Variants in B3GALNT2 observed in about 807,000 individuals in gnomAD.
The protein encoded by B3GALNT2 is UDP-GalNAc:beta-1,3-N-acetylgalactosaminyltransferase 2.
Under a neutral mutation model 61.1 loss-of-function variants are expected in B3GALNT2, and 53 were observed. The ratio of observed to expected loss-of-function variants is 0.87; its 90% confidence interval spans 0.70 to 1.09. B3GALNT2 has a LOEUF of 1.09. B3GALNT2 is among the 50% of genes least tolerant of loss of function. The pLI, the probability that B3GALNT2 is intolerant of heterozygous loss-of-function variation, is 0.00. For synonymous variants in B3GALNT2, 223 were observed against 237.4 expected (o/e 0.94, Z 0.56); for missense variants, 544 against 623.0 (o/e 0.87, Z 1.35).
Position 235,452,623 on chromosome 1 carries a change from C to G in B3GALNT2, c.1368+467G>C, listed in dbSNP as rs570494530. On this transcript the variant is annotated intron_variant, in intron 11 of 11. Coordinates refer to ENST00000366600, the MANE Select transcript of B3GALNT2 (RefSeq NM_152490.5). Reference sequence around the variant, plus strand: ...GAGTGCAGTGGTGCATTCACAGCTCCCTGCACCCTCGACCTCCCAGGCTCA... The same window carrying G: ...GAGTGCAGTGGTGCATTCACAGCTCGCTGCACCCTCGACCTCCCAGGCTCA... Among the ~76,000 whole-genome samples the G allele has an allele frequency of 8.5e-5, 13 of 152,076 alleles. No individual in the cohort carries two copies. In the South Asian group the frequency reaches 2.3e-3, roughly 27 times the overall value.
Position 235,478,713 on chromosome 1 carries a change from T to C in B3GALNT2, c.651+1341A>G, listed in dbSNP as rs187434452. On this transcript the variant is annotated intron_variant, in intron 5 of 11. Transcript: ENST00000366600. ...TACTTTCATACAATGTAATTCTATA[T>C]AGCCATTACAAATAATAGAGCACAT... Among the ~76,000 whole-genome samples the C allele has an allele frequency of 7.8e-3, 1,183 of 152,358 alleles. 12 individuals are homozygous for C. The highest frequency in any genetic ancestry group is 0.013 in the Admixed American group (202 of 15,302).
chr1:235,481,787 G>A (rs578135017), intron 4 of B3GALNT2, among the ~76,000 whole-genome samples: 12 of 152,224 alleles, frequency 7.9e-5, no homozygotes, highest in African/African-American at 2.9e-4. Context: ...CAATGAAACT[G>A]TTAACTACAA....
chr1:235,482,825 AAAC>A (rs1197391156), intron 4 of B3GALNT2, among the ~76,000 whole-genome samples: 1 of 152,124 alleles, frequency 6.6e-6, no homozygotes, highest in East Asian at 1.9e-4. Flanking sequence ...AGACCCTGTC[AAAC>A]AACAACAAAA....
intron 4 of B3GALNT2, among the ~76,000 whole-genome samples, chr1:235,481,926 G>A (rs1684580162): frequency 6.6e-6 from 1 of 152,022 alleles, no homozygotes; most frequent in Admixed American, 6.5e-5. Context: ...CAACAAACGA[G>A]ACAGATTATT....
At chr1:235,466,539 G>A (rs1160395006) in intron 6 of B3GALNT2, among the ~76,000 whole-genome samples, 2 of 152,196 alleles carry the variant, frequency 1.3e-5, no homozygotes, top group East Asian at 1.9e-4. Context: ...ATTTTTTGTA[G>A]AGAAGAGGTC....
rs1682538615 is a variant in B3GALNT2, at chr1:235,448,022, AAC to A, written c.*2182_*2183del. Among the ~76,000 whole-genome samples the A allele has an allele frequency of 6.6e-6, 1 of 152,118 alleles. No homozygotes were observed. The highest frequency in any genetic ancestry group is 1.5e-5 in the Non-Finnish European group (1 of 68,010). On this transcript the variant is annotated 3_prime_UTR_variant, in exon 12 of 12. Coordinates refer to ENST00000366600, the MANE Select transcript of B3GALNT2 (RefSeq NM_152490.5). ...TCAGGAGTTCAAGACCAGCCTGGCC[AAC>A]ATGGTGAAACCCCGTCTCTACTAAA...
At chr1:235,500,290 C>T (rs974204114) in intron 1 of B3GALNT2, among the ~76,000 whole-genome samples, 2 of 152,052 alleles carry the variant, frequency 1.3e-5, no homozygotes, top group Non-Finnish European at 2.9e-5. Context: ...GTCAGGAGTT[C>T]GAGACCAGCC....
chr1:235,468,800 G>A (rs1683847439), intron 6 of B3GALNT2, among the ~76,000 whole-genome samples: 1 of 152,028 alleles, frequency 6.6e-6, no homozygotes, highest in African/African-American at 2.4e-5. Context: ...GGCATATGCT[G>A]GGTATTTTAA....
downstream of B3GALNT2, chr1:235,442,831 T>C (rs757621678): frequency 6.2e-7 from 1 of 1,612,488 alleles, no homozygotes; most frequent in South Asian, 1.1e-5. Flanking sequence ...CAATTAGTCT[T>C]TTTCTTTGTT....
chr1:235,495,434 GA>G (rs1685273485), intron 1 of B3GALNT2, among the ~76,000 whole-genome samples: 2 of 152,060 alleles, frequency 1.3e-5, no homozygotes, highest in South Asian at 4.1e-4. Context: ...TTCCATACCG[GA>G]AAGTAATGCA....
rs373186743 is a variant in B3GALNT2 at position 235,454,285 on chromosome 1, G to A, written c.1182C>T (p.Thr394=). 34 of 1,613,086 alleles carry A rather than the reference G, an allele frequency of 2.1e-5. No individual in the cohort carries two copies. The highest frequency in any genetic ancestry group is 2.7e-5 in the Non-Finnish European group (32 of 1,179,416). ...NFRLNWAVDR[T]GKWQELEYPS... is the part of the protein sequence containing the mutation. ...GGTACTCCAACTCCTGCCACTTTCC[G>A]GTTCGGTCAACTGCCCAATTCAGTC... The change falls in exon 10 of 12, where the codon ACC becomes ACT. Residue 394 remains threonine, a synonymous_variant. Transcript: ENST00000366600.
At position 235,455,691 on chromosome 1, in the gene B3GALNT2, A is replaced by G; in HGVS notation, c.1026-7T>C. 6.2e-7 allele frequency: 1 copy of G among 1,606,076 alleles called. No homozygotes were observed. Among genetic ancestry groups the G allele is most frequent in the Non-Finnish European group, 8.5e-7 (1 of 1,173,328 alleles). On this transcript the variant is annotated splice_polypyrimidine_tract_variant and splice_region_variant and intron_variant, in intron 8 of 11. Coordinates refer to ENST00000366600, the MANE Select transcript of B3GALNT2 (RefSeq NM_152490.5). ...GCTCGTTGTTTCCACAGTCCTGTTG[A>G]CACAAAAGGGATAAGAAAGTCAGTG...
intron 2 of B3GALNT2, among the ~76,000 whole-genome samples, chr1:235,490,375 C>T (rs1379334376): frequency 2.0e-5 from 3 of 152,086 alleles, no homozygotes; most frequent in Non-Finnish European, 2.9e-5. Context: ...GGATTACAGG[C>T]GTGTGCCACC....
In B3GALNT2 at chr1:235,499,259, A is replaced by G. The variant is rs533608511; in HGVS notation, c.113-4431T>C. ...AGACGGTTCTGTTTATATAAAGTAC[A>G]AAAGTAGCCAAATTTCTGCCACTGG... On this transcript the variant is annotated intron_variant, in intron 1 of 11. Transcript: ENST00000366600. 3.3e-5 allele frequency among the ~76,000 whole-genome samples: 5 copies of G among 152,362 alleles called. No individual in the cohort carries two copies. The East Asian group carries it at 9.6e-4, about 29-fold the overall frequency.
chr1:235,450,094 A>C lies in B3GALNT2; in HGVS notation c.*112T>G. On this transcript the variant is annotated 3_prime_UTR_variant, in exon 12 of 12. Coordinates refer to ENST00000366600, the MANE Select transcript of B3GALNT2 (RefSeq NM_152490.5). ...GTTCTGGGTGAAAGTGCCAGTCTGG[A>C]ACTCTCTTGAAAGACCATACAGTCT... 7.6e-7 allele frequency: 1 copy of C among 1,313,478 alleles called. No individual in the cohort carries two copies. The highest frequency in any genetic ancestry group is 1.1e-6 in the Non-Finnish European group (1 of 940,566). The allele number at this position is 1,313,478 out of a possible 1,614,324, so 81.4% of individuals were successfully genotyped here. A position where few individuals can be genotyped will look rare whatever the true frequency, so the allele number is the denominator to read the frequency against.
At chr1:235,479,948 G>C (rs1409922080) in intron 5 of B3GALNT2, 106 bp downstream of exon 5, 1 of 1,503,868 alleles carries the variant, frequency 6.6e-7, no homozygotes, top group Non-Finnish European at 8.9e-7. Flanking sequence ...TCACTCTGGA[G>C]TGCTGCCCTG....
At position 235,458,670 on chromosome 1, in the gene B3GALNT2, T is replaced by C. The variant is rs750425436; in HGVS notation, c.958A>G (p.Ile320Val). The change falls in exon 8 of 12, where the codon ATT becomes GTT. Residue 320 changes from isoleucine (I) to valine (V), a missense_variant. Coordinates refer to ENST00000366600, the MANE Select transcript of B3GALNT2 (RefSeq NM_152490.5). ...LKEESSIYDDIVFVDVVDTYR... is the reference protein window; with the variant it reads ...LKEESSIYDDVVFVDVVDTYR... The stretch of plus-strand genomic sequence containing the variant: ...GTGTCGACAACATCCACAAAAACAA[T>C]ATCATCATAGATGCTGCTTTCCTCC... 4.3e-6 allele frequency: 7 copies of C among 1,612,956 alleles called. No individual in the cohort carries two copies. In the South Asian group the frequency reaches 7.7e-5, roughly 18 times the overall value.
At chr1:235,441,768 T>A in the B3GALNT2 span, 1 of 1,549,462 alleles carries the variant, frequency 6.5e-7, no homozygotes, top group Non-Finnish European at 8.9e-7. Flanking sequence ...TTTTTACTTA[T>A]AGTGGCCTTT....
chr1:235,465,502 C>G, intron 7 of B3GALNT2, 134 bp downstream of exon 7: 1 of 1,346,754 alleles, frequency 7.4e-7, no homozygotes, highest in Non-Finnish European at 9.9e-7. Context: ...AACCACTGAA[C>G]CACTTTAAAA....
Sources: allele counts gnomAD v4.1 joint callset (sites outside exome capture counted in the v4.1 genomes callset), GRCh38; gene constraint gnomAD v4.1.1; transcripts MANE v1.5; gene names NCBI Gene and HGNC (gene_info 2026-07-23, HGNC 2026-07-21).